Variants in KAT6B observed in about 807,000 individuals in gnomAD.
KAT6B encodes the protein lysine acetyltransferase 6B.
KAT6B carries 10 observed loss-of-function variants against 187.5 expected under a neutral mutation model. The ratio of observed to expected loss-of-function variants is 0.05; its 90% confidence interval spans 0.03 to 0.09. The LOEUF is 0.09. Ranked by LOEUF, KAT6B falls within the 10% of genes least tolerant of loss-of-function variation. KAT6B has a pLI of 1.00. For synonymous variants in KAT6B, 861 were observed against 926.8 expected, an observed-to-expected ratio of 0.93 and a Z score of 1.29; for missense variants, 1,952 against 2,558.9, an observed-to-expected ratio of 0.76 and a Z score of 5.12.
chr10:74,879,070 A>C (rs1043257780), intron 3 of KAT6B, among the ~76,000 whole-genome samples: 1 of 152,170 alleles, frequency 6.6e-6, no homozygotes, highest in African/African-American at 2.4e-5. Flanking sequence ...AACCATCACT[A>C]GTGGCAGGTA....
At chr10:74,951,890 AGTTTATTCATTT>A (rs1441863162) in intron 3 of KAT6B, among the ~76,000 whole-genome samples, 3 of 152,216 alleles carry the variant, frequency 2.0e-5, no homozygotes, top group African/African-American at 7.2e-5. Context: ...ACTTCAGAGC[AGTTTATTCATTT>A]GTTTATTCAT....
At chr10:74,944,886 A>G (rs1019412478) in intron 3 of KAT6B, among the ~76,000 whole-genome samples, 1 of 151,854 alleles carries the variant, frequency 6.6e-6, no homozygotes, top group Non-Finnish European at 1.5e-5. Context: ...CGAATGGCCA[A>G]AATTAAAAAC....
intron 6 of KAT6B, among the ~76,000 whole-genome samples, chr10:74,972,224 ATG>A (rs1841894161): frequency 6.6e-6 from 1 of 152,000 alleles, no homozygotes; most frequent in African/African-American, 2.4e-5. Context: ...GCGAGTTTTC[ATG>A]TGTGTTTATG....
At chr10:74,936,426 G>A (rs894999810) in intron 3 of KAT6B, among the ~76,000 whole-genome samples, 10 of 150,620 alleles carry the variant, frequency 6.6e-5, no homozygotes, top group South Asian at 2.1e-4. Context: ...AAGAAATTTT[G>A]TAAAACATGC....
intron 3 of KAT6B, among the ~76,000 whole-genome samples, chr10:74,931,325 T>C (rs1019451470): frequency 6.6e-6 from 1 of 151,936 alleles, no homozygotes; most frequent in Non-Finnish European, 1.5e-5. Context: ...CACCCGTGTC[T>C]ACTGCCTTTT....
intron 3 of KAT6B, among the ~76,000 whole-genome samples, chr10:74,940,334 G>C (rs1419487438): frequency 8.5e-5 from 12 of 141,966 alleles, no homozygotes; most frequent in Non-Finnish European, 1.5e-4. Flanking sequence ...GGAGTACAGT[G>C]GTGCCATCTC....
At chr10:74,948,926 A>G (rs1161240169) in intron 3 of KAT6B, among the ~76,000 whole-genome samples, 2 of 152,136 alleles carry the variant, frequency 1.3e-5, no homozygotes, top group East Asian at 1.9e-4. Flanking sequence ...CAGAATTTCT[A>G]TTTACATCCT....
At chr10:74,892,050 G>T (rs1328704350) in intron 3 of KAT6B, among the ~76,000 whole-genome samples, 1 of 152,224 alleles carries the variant, frequency 6.6e-6, no homozygotes, top group Non-Finnish European at 1.5e-5. Flanking sequence ...TCCACCTGGA[G>T]TTTGAATCTG....
chr10:74,908,099 T>A (rs1420036577), intron 3 of KAT6B, among the ~76,000 whole-genome samples: 1 of 152,146 alleles, frequency 6.6e-6, no homozygotes, highest in Non-Finnish European at 1.5e-5. Flanking sequence ...GGAGTGGACC[T>A]GGTGGCTTTA....
At chr10:74,914,522 T>A (rs949722898) in intron 3 of KAT6B, among the ~76,000 whole-genome samples, 15 of 152,212 alleles carry the variant, frequency 9.9e-5, no homozygotes, top group Non-Finnish European at 1.0e-4. Flanking sequence ...TTAAAGCAAT[T>A]TTATTTCTTC....
intron 3 of KAT6B, among the ~76,000 whole-genome samples, chr10:74,919,126 AG>A (rs1024331585): frequency 1.3e-5 from 2 of 151,944 alleles, no homozygotes; most frequent in African/African-American, 4.8e-5. Context: ...GGGAGGCTAA[AG>A]CAGGAGAATT....
At chr10:74,975,378 A>G (rs747766182) in intron 7 of KAT6B, 21 bp from the exon 8 acceptor site, 12 of 1,596,644 alleles carry the variant, frequency 7.5e-6, no homozygotes, top group Admixed American at 6.7e-5. Flanking sequence ...TGCTGATACT[A>G]TTCTCTAAAT....
intron 11 of KAT6B, 88 bp downstream of exon 11, chr10:74,982,016 C>A: frequency 8.2e-7 from 1 of 1,226,358 alleles, no homozygotes; most frequent in East Asian, 2.3e-5. Flanking sequence ...TTAGAAGGTA[C>A]AAAGTATACT....
intron 6 of KAT6B, among the ~76,000 whole-genome samples, chr10:74,971,161 A>G (rs1841826045): frequency 6.6e-6 from 1 of 152,218 alleles, no homozygotes; most frequent in African/African-American, 2.4e-5. Context: ...AACCCTCTAT[A>G]TAAATGAACT....
intron 3 of KAT6B, among the ~76,000 whole-genome samples, chr10:74,956,855 T>G (rs1840725624): frequency 6.6e-6 from 1 of 152,234 alleles, no homozygotes; most frequent in South Asian, 2.1e-4. Context: ...TCTTTAGACT[T>G]ATTCATGAGC....
At chr10:74,902,128 C>T (rs987063544) in intron 3 of KAT6B, among the ~76,000 whole-genome samples, 7 of 152,156 alleles carry the variant, frequency 4.6e-5, no homozygotes, top group East Asian at 1.9e-4. Flanking sequence ...ATCTCTGTTT[C>T]GTGTACTTCT....
At chr10:74,874,815 GGTGTGT>G (rs138962788) in intron 3 of KAT6B, among the ~76,000 whole-genome samples, 1 of 150,724 alleles carries the variant, frequency 6.6e-6, no homozygotes. Context: ...GTGTGTGTGG[GGTGTGT>G]GTGTGTGTGT....
intron 3 of KAT6B, among the ~76,000 whole-genome samples, chr10:74,910,127 T>TA (rs74778723): frequency 0.082 from 8,992 of 110,226 alleles, 366 homozygotes; most frequent in Admixed American, 0.11. Flanking sequence ...CCATCTCTAC[T>TA]AAAAAAAAAA....
At chr10:74,915,736 C>G (rs892781418) in intron 3 of KAT6B, among the ~76,000 whole-genome samples, 1 of 152,196 alleles carries the variant, frequency 6.6e-6, no homozygotes, top group Admixed American at 6.5e-5. Flanking sequence ...TAAATTAAAA[C>G]AATTTCAAAA....
Sources: allele counts gnomAD v4.1 joint callset (sites outside exome capture counted in the v4.1 genomes callset), GRCh38; gene constraint gnomAD v4.1.1; transcripts MANE v1.5; gene names NCBI Gene and HGNC (gene_info 2026-07-23, HGNC 2026-07-21).